Variants in FER observed in about 807,000 individuals in gnomAD.
FER encodes tyrosine-protein kinase Fer.
A neutral mutation model predicts 111.0 loss-of-function variants in FER; 63 were observed. That is an observed-to-expected ratio of 0.57 (90% CI 0.46 to 0.70). The LOEUF (loss-of-function observed/expected upper bound fraction) is 0.70, where lower values mean the gene tolerates loss of function less well. FER is among the 30% of genes least tolerant of loss of function. The pLI, the probability that FER is intolerant of heterozygous loss-of-function variation, is 0.00. For missense variants in FER, 914 were observed against 954.0 expected (o/e 0.96, Z 0.55); for synonymous variants, 327 against 313.9 (o/e 1.04, Z -0.44).
rs199773927 is a variant in FER at position 108,953,553 on chromosome 5, G to GAAAAA, written c.1330-1175_1330-1174insAAAAA. On this transcript the variant is annotated intron_variant, in intron 11 of 19. Coordinates refer to ENST00000281092, the MANE Select transcript of FER (RefSeq NM_005246.4). ...GTTTTGTTCTTTTAACCAACAGAATGAGTTTGGATAACATGAAATAGAACT... is the reference window on the plus strand; with the variant it reads ...GTTTTGTTCTTTTAACCAACAGAATGAAAAAAGTTTGGATAACATGAAATAGAACT... 8.7e-3 allele frequency among the ~76,000 whole-genome samples: 1,320 copies of GAAAAA among 152,046 alleles called. 8 individuals carry two copies. Among genetic ancestry groups the GAAAAA allele is most frequent in the Non-Finnish European group, 0.015 (995 of 67,940 alleles).
intron 5 of FER, 140 bp from the exon 6 acceptor site, chr5:108,867,627 A>G: frequency 1.3e-6 from 1 of 780,260 alleles, no homozygotes; most frequent in Non-Finnish European, 2.1e-6. Flanking sequence ...CTAAGCACAT[A>G]TTATGTGTTC....
At chr5:109,016,649 T>C (rs970808141) in intron 13 of FER, among the ~76,000 whole-genome samples, 2 of 152,086 alleles carry the variant, frequency 1.3e-5, no homozygotes, top group African/African-American at 4.8e-5. Flanking sequence ...AAAAAGCTTT[T>C]GTTGCAAAGC....
chr5:109,062,227 A>C (rs1774509307), intron 16 of FER, among the ~76,000 whole-genome samples: 1 of 152,212 alleles, frequency 6.6e-6, no homozygotes, highest in African/African-American at 2.4e-5. Context: ...AGTTAAAAGA[A>C]TATTTCTAGT....
At chr5:109,052,239 A>T (rs1772938300) in intron 16 of FER, 2 of 1,606,756 alleles carry the variant, frequency 1.2e-6, no homozygotes, top group Non-Finnish European at 1.7e-6. Flanking sequence ...AGCGCACATG[A>T]GAGATTGGGA....
intron 16 of FER, among the ~76,000 whole-genome samples, chr5:109,068,364 T>C (rs960716746): frequency 6.6e-6 from 1 of 151,958 alleles, no homozygotes; most frequent in African/African-American, 2.4e-5. Flanking sequence ...TTGTGTTTTT[T>C]GTAGAGATGG....
At chr5:109,039,381 A>T (rs146406792) in intron 14 of FER, among the ~76,000 whole-genome samples, 2 of 152,130 alleles carry the variant, frequency 1.3e-5, no homozygotes, top group African/African-American at 2.4e-5. Context: ...TACAGTTTCA[A>T]TGAGCAAGTA....
At chr5:108,783,430 A>G (rs1010767262) in intron 2 of FER, among the ~76,000 whole-genome samples, 3 of 152,056 alleles carry the variant, frequency 2.0e-5, no homozygotes, top group African/African-American at 7.2e-5. Context: ...GATAATTTCA[A>G]CATCTGATTC....
At chr5:109,088,753 G>T (rs1302800613) in intron 16 of FER, among the ~76,000 whole-genome samples, 1 of 151,898 alleles carries the variant, frequency 6.6e-6, no homozygotes, top group Non-Finnish European at 1.5e-5. Context: ...TTTATTTCTG[G>T]ATTACCTACT....
rs535956906 is a variant in FER at position 108,895,178 on chromosome 5, T to G, written c.1047-2481T>G. Among the ~76,000 whole-genome samples, 3 of 152,336 alleles carry G rather than the reference T, an allele frequency of 2.0e-5. No individual in the cohort carries two copies. In the South Asian group the frequency reaches 6.2e-4, roughly 32 times the overall value. ...GAGAAGTCACTTGTTAAAATTAAGC[T>G]GTTTCTCTAAACTTGAGAATATATA... On this transcript the variant is annotated intron_variant, in intron 9 of 19. Transcript: ENST00000281092.
chr5:109,063,254 C>T (rs1030341653), intron 16 of FER, among the ~76,000 whole-genome samples: 2 of 152,142 alleles, frequency 1.3e-5, no homozygotes, highest in African/African-American at 4.8e-5. Flanking sequence ...AAAAAATAAA[C>T]ATTTCATCCT....
intron 13 of FER, among the ~76,000 whole-genome samples, chr5:109,006,250 G>A (rs974005878): frequency 1.3e-5 from 2 of 152,172 alleles, no homozygotes; most frequent in Non-Finnish European, 2.9e-5. Context: ...GTTATATTGA[G>A]CTACTTGAAT....
chr5:108,869,044 T>A (rs1419969339), intron 6 of FER, among the ~76,000 whole-genome samples: 1 of 152,072 alleles, frequency 6.6e-6, no homozygotes, highest in African/African-American at 2.4e-5. Flanking sequence ...AGCAGTAGGA[T>A]ATGAATAACT....
chr5:108,767,023 A>G (rs1352141952), intron 1 of FER, among the ~76,000 whole-genome samples: 1 of 152,096 alleles, frequency 6.6e-6, no homozygotes, highest in Non-Finnish European at 1.5e-5. Context: ...GGCAGAGGCC[A>G]GGCGCAGTGA....
At chr5:108,785,387 G>A in intron 2 of FER, 1 of 587,620 alleles carries the variant, frequency 1.7e-6, no homozygotes, top group South Asian at 1.4e-5. Context: ...CTGGGACTTA[G>A]GGGTAAATAT....
intron 10 of FER, among the ~76,000 whole-genome samples, chr5:108,910,730 C>T (rs75803135): frequency 4.0e-5 from 6 of 151,852 alleles, no homozygotes; most frequent in South Asian, 4.2e-4. Context: ...TGAGAACATA[C>T]GGTATTTGAT....
At chr5:108,893,541 G>A (rs568324267) in intron 9 of FER, among the ~76,000 whole-genome samples, 9 of 151,924 alleles carry the variant, frequency 5.9e-5, no homozygotes, top group African/African-American at 2.2e-4. Context: ...TTATAATCTG[G>A]CCAAAATGTC....
intron 10 of FER, among the ~76,000 whole-genome samples, chr5:108,909,835 CAA>C (rs1002051044): frequency 6.6e-6 from 1 of 150,422 alleles, no homozygotes; most frequent in Non-Finnish European, 1.5e-5. Context: ...TTGAGGAAAA[CAA>C]AACTTTTTAT....
intron 5 of FER, among the ~76,000 whole-genome samples, chr5:108,843,299 A>G (rs1183273790): frequency 6.6e-6 from 1 of 152,182 alleles, no homozygotes; most frequent in Non-Finnish European, 1.5e-5. Context: ...TATGGAAAAC[A>G]AAAAAAGAAA....
chr5:109,183,093 A>T (rs1435666175), intron 18 of FER, among the ~76,000 whole-genome samples: 1 of 152,122 alleles, frequency 6.6e-6, no homozygotes, highest in Non-Finnish European at 1.5e-5. Flanking sequence ...GATGACAAGG[A>T]AGGAGAGATT....
Sources: gnomAD v4.1 joint callset for allele counts (sites outside exome capture counted in the v4.1 genomes callset) on GRCh38, gnomAD v4.1.1 for gene constraint, MANE v1.5 for transcripts, NCBI Gene and HGNC (gene_info 2026-07-23, HGNC 2026-07-21) for gene names.